TM2D3: variants seen among roughly 807,000 people sequenced by gnomAD.
TM2D3 encodes TM2 domain containing 3, also known as TM2 domain-containing protein 3.
TM2D3 carries 33 observed loss-of-function variants against 27.3 expected under a neutral mutation model. The observed-to-expected ratio is 1.21, with a 90% CI of 0.92 to 1.61. TM2D3 has a LOEUF of 1.61. TM2D3 is among the 40% of genes most tolerant of loss of function. The probability of loss-of-function intolerance (pLI) is 0.00; values close to 1 mark genes in which losing one functional copy is unlikely to be tolerated. For synonymous variants in TM2D3, 138 were observed against 122.2 expected (o/e 1.13, Z -0.85); for missense variants, 364 against 320.8 (o/e 1.13, Z -1.03).
chr15:101,648,607 CAG>C (rs1007720477), intron 3 of TM2D3, among the ~76,000 whole-genome samples: 6 of 152,210 alleles, frequency 3.9e-5, no homozygotes, highest in Non-Finnish European at 5.9e-5. Flanking sequence ...TCTGTGCTTC[CAG>C]AGAGAGCTGA....
At chr15:101,648,201 TTTG>T (rs763539822) in intron 3 of TM2D3, 3 of 150,604 alleles carry the variant, frequency 2.0e-5, no homozygotes, top group Non-Finnish European at 4.4e-5. Flanking sequence ...CCGGCCCATG[TTTG>T]TTATTTTTTT....
At chr15:101,637,473 G>A (rs1896575085), downstream of TM2D3, among the ~76,000 whole-genome samples, 1 of 152,180 alleles carries the variant, frequency 6.6e-6, no homozygotes, top group Non-Finnish European at 1.5e-5. Flanking sequence ...ACATATTTGG[G>A]GTTAAAATAT....
chr15:101,643,173 A>G (rs1365920971), intron 5 of TM2D3, among the ~76,000 whole-genome samples: 1 of 152,202 alleles, frequency 6.6e-6, no homozygotes, highest in East Asian at 1.9e-4. Flanking sequence ...AATAAAAAGT[A>G]AAGAGAACAG....
At chr15:101,651,493 A>C (rs1896966743) in intron 2 of TM2D3, 4 of 495,296 alleles carry the variant, frequency 8.1e-6, no homozygotes, top group Non-Finnish European at 1.1e-5. Context: ...AAAAGAGAGG[A>C]GGCAGAAACG....
chr15:101,641,241 G>T (rs1395316506), downstream of TM2D3, among the ~76,000 whole-genome samples: 1 of 152,120 alleles, frequency 6.6e-6, no homozygotes, highest in East Asian at 1.9e-4. Flanking sequence ...CCATCCTGAA[G>T]AACTGCTCAT....
downstream of TM2D3, chr15:101,641,777 T>C (rs1470900371): frequency 1.8e-6 from 1 of 556,842 alleles, no homozygotes; most frequent in African/African-American, 2.0e-5. Context: ...AAAAATGTTA[T>C]TCTTAACAAT....
At chr15:101,650,352 T>G (rs1896937143) in intron 2 of TM2D3, 191 bp from the exon 3 acceptor site, 5 of 515,552 alleles carry the variant, frequency 9.7e-6, no homozygotes, top group Non-Finnish European at 1.7e-5. Flanking sequence ...TGGGACCTGG[T>G]GAGCACCACA....
chr15:101,643,147 T>G (rs898291771), intron 5 of TM2D3, among the ~76,000 whole-genome samples: 1 of 151,986 alleles, frequency 6.6e-6, no homozygotes, highest in Non-Finnish European at 1.5e-5. Context: ...TTATGGAAAA[T>G]TTCTAAACAC....
chr15:101,645,879 AAAG>A (rs1465296497), intron 4 of TM2D3: 1 of 152,216 alleles, frequency 6.6e-6, no homozygotes, highest in East Asian at 1.9e-4. Context: ...CCAAAATATA[AAAG>A]AAGTCTAGAC....
At chr15:101,648,860 T>C (rs74033386) in intron 3 of TM2D3, among the ~76,000 whole-genome samples, 1,797 of 152,374 alleles carry the variant, frequency 0.012, 48 homozygotes, top group African/African-American at 0.042. Flanking sequence ...TCTGCATCCA[T>C]GTATAATGAT....
downstream of TM2D3, among the ~76,000 whole-genome samples, chr15:101,639,899 G>T (rs1174004989): frequency 6.6e-6 from 1 of 152,148 alleles, no homozygotes; most frequent in Admixed American, 6.5e-5. Context: ...ATTGTTCTAG[G>T]GACAATGGAG....
downstream of TM2D3, chr15:101,641,712 G>T: frequency 4.7e-6 from 1 of 213,018 alleles, no homozygotes; most frequent in Non-Finnish European, 8.1e-6. Context: ...TTTCCACTGT[G>T]TCAATAAACC....
chr15:101,646,620 A>G (rs1437822857), intron 4 of TM2D3, 105 bp downstream of exon 4: 2 of 1,233,396 alleles, frequency 1.6e-6, no homozygotes, highest in South Asian at 1.3e-5. Flanking sequence ...CTGCTGATAA[A>G]TGTTTCTAAT....
At chr15:101,635,313 A>G (rs1028601208) in intron 4 of TM2D3, 7 of 152,168 alleles carry the variant, frequency 4.6e-5, no homozygotes, top group African/African-American at 1.7e-4. Context: ...AAAAGGAGAA[A>G]TGTCTCAAAT....
At chr15:101,652,170 T>G in intron 1 of TM2D3, 101 bp downstream of exon 1, 1 of 1,140,250 alleles carries the variant, frequency 8.8e-7, no homozygotes. Flanking sequence ...CTCGGCCTCC[T>G]CCCCGCGTCA....
rs2141361191 is a variant in TM2D3, at chr15:101,642,462, T to C, written c.*17A>G. ...GCTTTTTCTAAGCCCTGCTCCTTTC[T>C]GAAGCACACACCACAGCTAAATGTA... On this transcript the variant is annotated 3_prime_UTR_variant, in exon 6 of 6. Coordinates refer to ENST00000333202, the MANE Select transcript of TM2D3 (RefSeq NM_078474.3). 1 of 1,593,498 alleles carries C rather than the reference T, an allele frequency of 6.3e-7. No individual in the cohort carries two copies. The highest frequency in any genetic ancestry group is 8.6e-7 in the Non-Finnish European group (1 of 1,167,960).
At chr15:101,633,481 G>T in exon 5 of TM2D3, 1 of 478,926 alleles carries the variant, frequency 2.1e-6, no homozygotes, top group Non-Finnish European at 3.7e-6. Flanking sequence ...AGTTGTAGGA[G>T]TGAGGCCCTC....
At chr15:101,651,615 C>T (rs1896970619) in intron 2 of TM2D3, 81 bp downstream of exon 2, 5 of 1,384,980 alleles carry the variant, frequency 3.6e-6, no homozygotes, top group Middle Eastern at 1.8e-4. Context: ...ACTTCGTATA[C>T]TAAAGGGAAT....
Position 101,644,128 on chromosome 15 carries a change from G to T in TM2D3, c.578+959C>A, listed in dbSNP as rs752004282. Among the ~76,000 whole-genome samples, 92 of 152,200 alleles carry T rather than the reference G, an allele frequency of 6.0e-4. 1 individual carries two copies. Among genetic ancestry groups the T allele is most frequent in the Non-Finnish European group, 8.5e-4 (58 of 68,034 alleles). Reference sequence around the variant, plus strand: ...CCCAAAGCGCTGGGATTACAGGTGTGAGCCATCGCGCCCGCCCTATCTTAT... The same window carrying T: ...CCCAAAGCGCTGGGATTACAGGTGTTAGCCATCGCGCCCGCCCTATCTTAT... On this transcript the variant is annotated intron_variant, in intron 5 of 5. Coordinates refer to ENST00000333202, the MANE Select transcript of TM2D3 (RefSeq NM_078474.3).
Sources: gnomAD v4.1 joint callset for allele counts (sites outside exome capture counted in the v4.1 genomes callset) on GRCh38, gnomAD v4.1.1 for gene constraint, MANE v1.5 for transcripts, NCBI Gene and HGNC (gene_info 2026-07-23, HGNC 2026-07-21) for gene names.